The following RGS20 variants were observed in gnomAD, a reference collection of about 807,000 sequenced individuals.
RGS20 encodes gz-selective GTPase-activating protein.
Under a neutral mutation model 33.6 loss-of-function variants are expected in RGS20, and 30 were observed. That is an observed-to-expected ratio of 0.89 (90% CI 0.67 to 1.21). The LOEUF is 1.21. Among genes scored for constraint, RGS20 ranks in the 50% most tolerant of loss-of-function variants. RGS20 has a pLI of 0.00. For missense variants in RGS20, 472 were observed against 502.4 expected (o/e 0.94, Z 0.58); for synonymous variants, 208 against 197.9 (o/e 1.05, Z -0.43).
Position 53,879,245 on chromosome 8 carries a change from C to G in RGS20, c.166-13C>G. 6.2e-7 allele frequency: 1 copy of G among 1,609,962 alleles called. No individual in the cohort carries two copies. The highest frequency in any genetic ancestry group is 1.7e-4 in the Middle Eastern group (1 of 6,040). On this transcript the variant is annotated splice_polypyrimidine_tract_variant and intron_variant, in intron 1 of 5. Transcript: ENST00000297313. ...AACCGTATGCTGGTTTTGTTTCTCT[C>G]TCCCCACCCCAGTCCTTCCCGCCTG... is the stretch of plus-strand genomic sequence containing the variant.
At chr8:53,908,612 C>T (rs1047676807) in intron 2 of RGS20, among the ~76,000 whole-genome samples, 1 of 151,266 alleles carries the variant, frequency 6.6e-6, no homozygotes, top group Non-Finnish European at 1.5e-5. Context: ...TGCACTCCAG[C>T]CTGGGCAACA....
intron 1 of RGS20, among the ~76,000 whole-genome samples, chr8:53,865,648 C>T (rs1249209978): frequency 1.3e-5 from 2 of 152,146 alleles, no homozygotes; most frequent in Non-Finnish European, 2.9e-5. Context: ...GCCCTCTCGC[C>T]CAGGCTGGCA....
chr8:53,889,416 T>C (rs200054414), intron 2 of RGS20, among the ~76,000 whole-genome samples: 3,927 of 69,044 alleles, frequency 0.057, 270 homozygotes, highest in African/African-American at 0.33. Context: ...CTCTCTCTTT[T>C]TTTTTTTTTT....
intron 2 of RGS20, among the ~76,000 whole-genome samples, chr8:53,916,356 T>C (rs1432198829): frequency 2.6e-5 from 4 of 151,970 alleles, no homozygotes; most frequent in African/African-American, 9.7e-5. Flanking sequence ...CTTAATTAAA[T>C]TTACTGACAT....
At chr8:53,886,603 T>C (rs929073866) in intron 2 of RGS20, among the ~76,000 whole-genome samples, 1 of 152,248 alleles carries the variant, frequency 6.6e-6, no homozygotes, top group African/African-American at 2.4e-5. Flanking sequence ...AGGCATCTCA[T>C]GCAAAGTTAT....
In RGS20 at chr8:53,915,714, C is replaced by G. The variant is rs530252271; in HGVS notation, c.511-23862C>G. 3.9e-5 allele frequency among the ~76,000 whole-genome samples: 6 copies of G among 152,278 alleles called. No homozygotes were observed. The South Asian group carries it at 1.0e-3, about 26-fold the overall frequency. On this transcript the variant is annotated intron_variant, in intron 2 of 5. Transcript: ENST00000297313. ...GCTTTGCCAGGTTCTCCCCAGGAGT[C>G]TTCTGAATCATCTGAGGACAAGGAC... is the stretch of plus-strand genomic sequence containing the variant.
Position 53,879,517 on chromosome 8 carries a change from CG to C in RGS20, c.431del (p.Gly144ValfsTer4), listed in dbSNP as rs1382013102. On this transcript the variant is annotated frameshift_variant, in exon 2 of 6. Transcript: ENST00000297313. LOFTEE classifies it high-confidence loss of function. Reference sequence around the variant, plus strand: ...GCGCTGGCACTGCCCGGCCGACCCTCGGGGGGTCGTCCGCTGAGGCCCCCCC... The same window carrying C: ...GCGCTGGCACTGCCCGGCCGACCCTCGGGGGTCGTCCGCTGAGGCCCCCCC... The C allele has an allele frequency of 5.2e-6, 8 of 1,544,434 alleles. No individual in the cohort carries two copies. In the Admixed American group the frequency reaches 1.2e-4, roughly 23 times the overall value.
rs752871799 is a variant in RGS20, at chr8:53,879,399, G to T, written c.307G>T (p.Asp103Tyr). 1.9e-6 allele frequency: 3 copies of T among 1,611,034 alleles called. No individual in the cohort carries two copies. Among genetic ancestry groups the T allele is most frequent in the Non-Finnish European group, 8.5e-7 (1 of 1,179,550 alleles). ...TCCCGAGGCTCCCCGGAGGCGCCTG[G>T]ACTTCTCCCCCCTGCTTCCCGCCCT... Residue 103 changes from aspartate (D) to tyrosine (Y), a missense_variant, in exon 2 of 6, where the codon GAC (aspartate) becomes TAC (tyrosine). This residue lies in a region of RGS20 where 319 missense variants were observed against 283.4 expected (regional missense o/e 1.13). Transcript: ENST00000297313.
At chr8:53,932,164 C>T (rs560394977) in intron 2 of RGS20, among the ~76,000 whole-genome samples, 47 of 152,284 alleles carry the variant, frequency 3.1e-4, no homozygotes, top group African/African-American at 1.1e-3. Context: ...GGTAACCCGA[C>T]CTTTCTCTCT....
chr8:53,900,318 T>A (rs1812979660), intron 2 of RGS20, among the ~76,000 whole-genome samples: 2 of 151,972 alleles, frequency 1.3e-5, no homozygotes, highest in African/African-American at 4.8e-5. Context: ...ATTTTTAAAT[T>A]TTTTTTAGAG....
intron 2 of RGS20, among the ~76,000 whole-genome samples, chr8:53,930,505 A>G (rs1340143887): frequency 6.6e-6 from 1 of 152,210 alleles, no homozygotes; most frequent in Non-Finnish European, 1.5e-5. Flanking sequence ...GCACCATGTC[A>G]CAGTCCTTCC....
chr8:53,937,995 A>G (rs886392047), intron 2 of RGS20, among the ~76,000 whole-genome samples: 6 of 152,226 alleles, frequency 3.9e-5, no homozygotes, highest in African/African-American at 1.2e-4. Context: ...AAGGATCTAG[A>G]ACCAGAAATA....
chr8:53,852,481 A>T (rs1355144500), intron 1 of RGS20, among the ~76,000 whole-genome samples: 2 of 152,220 alleles, frequency 1.3e-5, no homozygotes, highest in Non-Finnish European at 2.9e-5. Context: ...AAATTGATAA[A>T]CTAAGAACAT....
rs140978163 is a variant in RGS20 at position 53,885,502 on chromosome 8, T to C, written c.510+5900T>C. 1.4e-4 allele frequency among the ~76,000 whole-genome samples: 21 copies of C among 152,096 alleles called. No individual in the cohort carries two copies. In the East Asian group the frequency reaches 3.5e-3, roughly 25 times the overall value. On this transcript the variant is annotated intron_variant, in intron 2 of 5. Coordinates refer to ENST00000297313, the MANE Select transcript of RGS20 (RefSeq NM_170587.4). Reference sequence around the variant, plus strand: ...ATTAGCGGGCGTCTGTAGTACCAGCTACTCGGGAGGCTGAAGCAGGAGAAT... The same window carrying C: ...ATTAGCGGGCGTCTGTAGTACCAGCCACTCGGGAGGCTGAAGCAGGAGAAT...
intron 2 of RGS20, among the ~76,000 whole-genome samples, chr8:53,913,244 C>T (rs1329125962): frequency 2.0e-5 from 3 of 152,132 alleles, no homozygotes; most frequent in Non-Finnish European, 4.4e-5. Flanking sequence ...GGATTACAGA[C>T]ATGAGCCACC....
chr8:53,919,976 T>G (rs577650248), intron 2 of RGS20, among the ~76,000 whole-genome samples: 51 of 152,258 alleles, frequency 3.3e-4, no homozygotes, highest in Non-Finnish European at 6.8e-4. Context: ...CTGGGCTATG[T>G]GATCCTCCCA....
At chr8:53,894,467 T>TG (rs1158835094) in intron 2 of RGS20, among the ~76,000 whole-genome samples, 1 of 152,206 alleles carries the variant, frequency 6.6e-6, no homozygotes, top group Non-Finnish European at 1.5e-5. Context: ...GTCTTGGGAA[T>TG]GCTAAGGCCC....
intron 2 of RGS20, chr8:53,913,694 G>A (rs1365340495): frequency 6.6e-6 from 1 of 152,278 alleles, no homozygotes; most frequent in East Asian, 1.9e-4. Flanking sequence ...GCTGCCAGAA[G>A]AGGCAAGGAA....
At chr8:53,937,889 T>A (rs1814178759) in intron 2 of RGS20, among the ~76,000 whole-genome samples, 1 of 152,204 alleles carries the variant, frequency 6.6e-6, no homozygotes, top group Non-Finnish European at 1.5e-5. Flanking sequence ...TAACAACAGA[T>A]GCTGGAGAGG....
Sources: gnomAD v4.1 joint callset for allele counts (sites outside exome capture counted in the v4.1 genomes callset) on GRCh38, gnomAD v4.1.1 for gene constraint, gnomAD v4.1.1 regional missense constraint, MANE v1.5 for transcripts, NCBI Gene and HGNC (gene_info 2026-07-23, HGNC 2026-07-21) for gene names.